The following PTPRZ1 variants were observed in gnomAD, a reference collection of about 807,000 sequenced individuals.
PTPRZ1 encodes protein tyrosine phosphatase receptor type Z1, also known as receptor-type tyrosine-protein phosphatase zeta.
PTPRZ1 carries 82 observed loss-of-function variants against 214.1 expected under a neutral mutation model. The observed-to-expected ratio is 0.38, with a 90% CI of 0.32 to 0.46. The LOEUF (loss-of-function observed/expected upper bound fraction) is 0.46. Ranked by LOEUF, PTPRZ1 falls within the 20% of genes least tolerant of loss-of-function variation. The pLI, the probability that PTPRZ1 is intolerant of heterozygous loss-of-function variation, is 1.00. For missense variants in PTPRZ1, 2,603 were observed against 2,748.7 expected, an observed-to-expected ratio of 0.95 and a Z score of 1.19; for synonymous variants, 945 against 987.9, an observed-to-expected ratio of 0.96 and a Z score of 0.81.
chr7:121,930,152 T>C (rs1243199668), intron 2 of PTPRZ1, among the ~76,000 whole-genome samples: 1 of 151,922 alleles, frequency 6.6e-6, no homozygotes, highest in Non-Finnish European at 1.5e-5. Flanking sequence ...GCAGGAAGAG[T>C]GAACAAATTA....
Position 122,053,909 on chromosome 7 carries a change from G to A in PTPRZ1, c.6253-1G>A. The A allele has an allele frequency of 6.2e-7, 1 of 1,612,132 alleles. No homozygotes were observed. Among genetic ancestry groups the A allele is most frequent in the Non-Finnish European group, 8.5e-7 (1 of 1,178,852 alleles). On this transcript the variant is annotated splice_acceptor_variant, in intron 25 of 29. Coordinates refer to ENST00000393386, the MANE Select transcript of PTPRZ1 (RefSeq NM_002851.3). LOFTEE classifies it high-confidence loss of function. Reference sequence around the variant, plus strand: ...TTTTTGTCTTCTCTTTGGTTTTGTAGGGCTATTACCAGAGCAATGAATTCA... The same window carrying A: ...TTTTTGTCTTCTCTTTGGTTTTGTAAGGCTATTACCAGAGCAATGAATTCA...
intron 1 of PTPRZ1, among the ~76,000 whole-genome samples, chr7:121,879,646 T>TCCC (rs372304258): frequency 6.6e-6 from 1 of 152,144 alleles, no homozygotes; most frequent in African/African-American, 2.4e-5. Flanking sequence ...TTGAACTGAG[T>TCCC]TGAATTCAAA....
At chr7:121,956,918 C>A (rs9641680) in intron 2 of PTPRZ1, among the ~76,000 whole-genome samples, 1 of 151,984 alleles carries the variant, frequency 6.6e-6, no homozygotes, top group Middle Eastern at 3.4e-3. Context: ...TCCTTCCCCC[C>A]CAAAAAACAA....
chr7:122,049,639 G>C (rs1421669550), intron 23 of PTPRZ1, among the ~76,000 whole-genome samples: 1 of 152,006 alleles, frequency 6.6e-6, no homozygotes, highest in East Asian at 1.9e-4. Context: ...AAAGTGAATT[G>C]AAGAGCATAA....
rs758084236 is a variant in PTPRZ1, at chr7:122,012,018, C to T, written c.2972C>T (p.Ser991Phe). The T allele has an allele frequency of 5.0e-6, 8 of 1,614,238 alleles. No individual in the cohort carries two copies. Among genetic ancestry groups the T allele is most frequent in the Admixed American group, 1.7e-5 (1 of 60,028 alleles). ...TTACTGCAGCCTACTCATGCCCTCTCTGGTGATGGGGAATGGTCTGGAGCC... is the reference window on the plus strand; with the variant it reads ...TTACTGCAGCCTACTCATGCCCTCTTTGGTGATGGGGAATGGTCTGGAGCC... ...ASLLQPTHAL[S>F]GDGEWSGASS... The change falls in exon 12 of 30, where the codon TCT becomes TTT. Residue 991 changes from serine to phenylalanine, a missense_variant. Ser to Phe is a radical substitution (Grantham distance 155, BLOSUM62 -2). Transcript: ENST00000393386.
chr7:121,918,598 T>C lies in PTPRZ1; in HGVS notation c.59-9558T>C, dbSNP rs570926651. On this transcript the variant is annotated intron_variant, in intron 1 of 29. Transcript: ENST00000393386. ...AATGTTTCTTTACAGTCTTAAAACA[T>C]ATTTACAATCTATCTTTAATTTATC... is the stretch of plus-strand genomic sequence containing the variant. 3.9e-5 allele frequency among the ~76,000 whole-genome samples: 6 copies of C among 152,308 alleles called. No homozygotes were observed. The South Asian group carries it at 1.0e-3, about 26-fold the overall frequency.
rs777233169 is a variant in PTPRZ1, at chr7:122,012,332, A to G, written c.3286A>G (p.Lys1096Glu). Residue 1096 changes from lysine to glutamate, a missense_variant, in exon 12 of 30, where the codon AAG becomes GAG. By Grantham distance (56) the Lys-to-Glu change is moderately conservative. Transcript: ENST00000393386. Reference protein sequence around the residue: ...QETSVSISSTKGMFPGSLAHT... With the variant: ...QETSVSISSTEGMFPGSLAHT... ...AACCTCTGTTTCCATTTCTAGCACC[A>G]AGGGCATGTTTCCAGGGTCCCTTGC... is the stretch of plus-strand genomic sequence containing the variant. 6.2e-7 allele frequency: 1 copy of G among 1,614,004 alleles called. No homozygotes were observed. The highest frequency in any genetic ancestry group is 1.1e-5 in the South Asian group (1 of 91,054).
At chr7:121,998,823 C>T (rs1424413699) in intron 10 of PTPRZ1, among the ~76,000 whole-genome samples, 1 of 152,036 alleles carries the variant, frequency 6.6e-6, no homozygotes, top group Non-Finnish European at 1.5e-5. Flanking sequence ...ATTCTTTGGT[C>T]ATCCATATTA....
At chr7:121,996,591 C>T (rs1462016747) in intron 9 of PTPRZ1, 25 bp downstream of exon 9, 1 of 1,479,650 alleles carries the variant, frequency 6.8e-7, no homozygotes, top group Non-Finnish European at 9.1e-7. Context: ...AGTTGTTTTA[C>T]ATAGGGTAAC....
chr7:121,930,812 A>G (rs1442109383), intron 2 of PTPRZ1, among the ~76,000 whole-genome samples: 2 of 152,140 alleles, frequency 1.3e-5, no homozygotes, highest in African/African-American at 4.8e-5. Flanking sequence ...TTCTTTTCCT[A>G]CGAAAGAGAA....
At position 121,873,212 on chromosome 7, in the gene PTPRZ1, G is replaced by A. The variant is rs1038748776; in HGVS notation, c.-288G>A. ...AGAGGCAAAGTCCCGCACGCCGGAG[G>A]ACATGCGCCTCGGCTAGCGGCCCCG... On this transcript the variant is annotated 5_prime_UTR_variant, in exon 1 of 30. Transcript: ENST00000393386. The A allele has an allele frequency of 2.3e-6, 1 of 429,024 alleles. No homozygotes were observed. Among genetic ancestry groups the A allele is most frequent in the Admixed American group, 4.0e-5 (1 of 25,038 alleles). 26.6% of individuals were successfully genotyped at this position (429,024 alleles called of 1,614,324 possible). A position where few individuals can be genotyped will look rare whatever the true frequency, so the allele number is the denominator to read the frequency against.
At chr7:122,018,266 G>A (rs1298058535) in intron 12 of PTPRZ1, among the ~76,000 whole-genome samples, 1 of 152,226 alleles carries the variant, frequency 6.6e-6, no homozygotes, top group Middle Eastern at 3.4e-3. Flanking sequence ...CAAAGAGGAA[G>A]GATTGTTATT....
chr7:122,052,211 A>G lies in PTPRZ1; in HGVS notation c.6252+272A>G, dbSNP rs17144050. Among the ~76,000 whole-genome samples the G allele has an allele frequency of 8.7e-4, 132 of 152,282 alleles. 2 individuals are homozygous for G. The East Asian group carries it at 0.024, about 28-fold the overall frequency. On this transcript the variant is annotated intron_variant, in intron 25 of 29. Transcript: ENST00000393386. ...GGGCTGATGAGTAGATATAAAACTT[A>G]TACCTGCTTATCTAAAAGGCTTTAT... is the stretch of plus-strand genomic sequence containing the variant.
At chr7:121,975,116 G>A (rs1328552634) in intron 4 of PTPRZ1, among the ~76,000 whole-genome samples, 5 of 152,062 alleles carry the variant, frequency 3.3e-5, no homozygotes, top group African/African-American at 9.7e-5. Flanking sequence ...AAGCCCATGA[G>A]GTCAACGCTG....
intron 13 of PTPRZ1, among the ~76,000 whole-genome samples, chr7:122,023,853 A>T (rs961113744): frequency 9.8e-5 from 7 of 71,746 alleles, no homozygotes; most frequent in East Asian, 3.0e-4. Flanking sequence ...ATATATATAA[A>T]AAAAAAAAAG....
intron 8 of PTPRZ1, among the ~76,000 whole-genome samples, chr7:121,989,133 T>C (rs1797861348): frequency 6.6e-6 from 1 of 152,212 alleles, no homozygotes; most frequent in Non-Finnish European, 1.5e-5. Flanking sequence ...TATTATGTAA[T>C]AATTTTTATA....
intron 1 of PTPRZ1, among the ~76,000 whole-genome samples, chr7:121,881,949 G>A (rs1469678231): frequency 6.6e-6 from 1 of 151,982 alleles, no homozygotes; most frequent in Non-Finnish European, 1.5e-5. Flanking sequence ...TTGGCTTTTT[G>A]TTTACTGTTA....
chr7:122,056,189 G>C (rs1206364), intron 27 of PTPRZ1, among the ~76,000 whole-genome samples: 96,200 of 151,492 alleles, frequency 0.64, 32,108 homozygotes, highest in African/African-American at 0.86. Flanking sequence ...TAGTAAGAAA[G>C]CCTATTACAA....
chr7:121,986,605 C>G (rs1024542617), intron 8 of PTPRZ1, among the ~76,000 whole-genome samples: 3 of 151,950 alleles, frequency 2.0e-5, no homozygotes, highest in African/African-American at 7.3e-5. Flanking sequence ...GATTTTATTC[C>G]CTTAGACTAT....
Sources: gnomAD v4.1 joint callset for allele counts (sites outside exome capture counted in the v4.1 genomes callset) on GRCh38, gnomAD v4.1.1 for gene constraint, MANE v1.5 for transcripts, NCBI Gene and HGNC (gene_info 2026-07-23, HGNC 2026-07-21) for gene names.